GNAS-AS1: variants seen among roughly 807,000 people sequenced by gnomAD.
The protein encoded by GNAS-AS1 is GNAS antisense RNA 1 (non-protein coding).
intron 4 of GNAS-AS1, among the ~76,000 whole-genome samples, chr20:58,820,127 G>A (rs909982948): frequency 6.6e-6 from 1 of 152,254 alleles, no homozygotes. Context: ...GCAAAGAGAT[G>A]CCTTCACGGT....
chr20:58,842,001 C>A, exon 4 of GNAS-AS1: 1 of 893,228 alleles, frequency 1.1e-6, no homozygotes, highest in Non-Finnish European at 1.5e-6. Flanking sequence ...GGCGCCAGTC[C>A]TTGGACGATC....
In GNAS-AS1 at chr20:58,827,525, G is replaced by A. The variant is rs541233066; in HGVS notation, n.820-8270C>T. ...ACATTTACATGGAGGTGTGTACTAC[G>A]ACATGGTCAGCAGTGCAGTTTCTAA... On this transcript the variant is annotated intron_variant and non_coding_transcript_variant, in intron 4 of 4. Coordinates refer to ENST00000424094, the Ensembl canonical transcript of GNAS-AS1. 9.2e-5 allele frequency among the ~76,000 whole-genome samples: 14 copies of A among 152,338 alleles called. No homozygotes were observed. In the Middle Eastern group the frequency reaches 0.014, roughly 148 times the overall value.
chr20:58,842,228 G>A, exon 4 of GNAS-AS1: 1 of 398,506 alleles, frequency 2.5e-6, no homozygotes, highest in East Asian at 3.6e-5. Context: ...TGGGGGGAAA[G>A]ACTGATAAGT....
chr20:58,850,811 G>A, exon 1 of GNAS-AS1: 1 of 398,814 alleles, frequency 2.5e-6, no homozygotes, highest in East Asian at 3.6e-5. Context: ...GGTCCTCGTG[G>A]TCTTCCAGGC....
intron 4 of GNAS-AS1, among the ~76,000 whole-genome samples, chr20:58,822,922 G>A (rs1290578023): frequency 2.0e-4 from 30 of 152,094 alleles, no homozygotes; most frequent in Admixed American, 2.0e-3. Flanking sequence ...TGGCTCCTCT[G>A]GCCCTGTCCT....
Position 58,840,117 on chromosome 20 carries a change from G to A in GNAS-AS1, n.819+1820C>T. Reference sequence around the variant, plus strand: ...TGTGTGCCTAAGAGGATGGATCGGAGGTCCCGGGCTCAGCAGTGGCGCCGA... The same window carrying A: ...TGTGTGCCTAAGAGGATGGATCGGAAGTCCCGGGCTCAGCAGTGGCGCCGA... On this transcript the variant is annotated intron_variant and non_coding_transcript_variant, in intron 4 of 4. Coordinates refer to ENST00000424094, the Ensembl canonical transcript of GNAS-AS1. This position sits in a 1 kb window ranked among gnomAD's most constrained non-coding sequence, Gnocchi z 6.0. 6.2e-7 allele frequency: 1 copy of A among 1,611,300 alleles called. No homozygotes were observed.
At chr20:58,850,794 C>T (rs1163414904) in exon 1 of GNAS-AS1, 6 of 398,738 alleles carry the variant, frequency 1.5e-5, no homozygotes, top group East Asian at 1.4e-4. Flanking sequence ...GACCCCACGG[C>T]GCTAGCGGTC....
chr20:58,828,004 T>TA (rs1257153703), intron 4 of GNAS-AS1, among the ~76,000 whole-genome samples: 1 of 152,262 alleles, frequency 6.6e-6, no homozygotes, highest in Non-Finnish European at 1.5e-5. Context: ...AGTCACAGTG[T>TA]AGACATCTTG....
At chr20:58,850,699 C>T in exon 1 of GNAS-AS1, 1 of 398,962 alleles carries the variant, frequency 2.5e-6, no homozygotes, top group Non-Finnish European at 4.4e-6. Flanking sequence ...CTGGGTTAGC[C>T]TGCCGCCATC....
chr20:58,827,014 A>T (rs2085526058), intron 4 of GNAS-AS1: 1 of 151,632 alleles, frequency 6.6e-6, no homozygotes, highest in Non-Finnish European at 1.5e-5. Flanking sequence ...ACCTGGCTGA[A>T]CTATGTTATT....
intron 4 of GNAS-AS1, chr20:58,824,117 C>T (rs2085504593): frequency 7.5e-6 from 3 of 398,602 alleles, no homozygotes; most frequent in Admixed American, 4.4e-5. Flanking sequence ...GGATCAGAGC[C>T]ACAAATCCAG....
chr20:58,845,834 A>C (rs2072458648), intron 2 of GNAS-AS1, among the ~76,000 whole-genome samples: 3 of 152,218 alleles, frequency 2.0e-5, no homozygotes, highest in Non-Finnish European at 2.9e-5. Context: ...GGCCACCATT[A>C]CCTGTTGACA....
Position 58,840,114 on chromosome 20 carries a change from G to C in GNAS-AS1, n.819+1823C>G, listed in dbSNP as rs139302910. On this transcript the variant is annotated intron_variant and non_coding_transcript_variant, in intron 4 of 4. Coordinates refer to ENST00000424094, the Ensembl canonical transcript of GNAS-AS1. This position sits in a 1 kb window ranked among gnomAD's most constrained non-coding sequence, Gnocchi z 6.0. ...CGGTGTGTGCCTAAGAGGATGGATC[G>C]GAGGTCCCGGGCTCAGCAGTGGCGC... 1.2e-6 allele frequency: 2 copies of C among 1,611,088 alleles called. No individual in the cohort carries two copies. Among genetic ancestry groups the C allele is most frequent in the Middle Eastern group, 1.7e-4 (1 of 6,058 alleles).
chr20:58,829,851 C>T (rs370537141), intron 4 of GNAS-AS1, among the ~76,000 whole-genome samples: 50 of 152,080 alleles, frequency 3.3e-4, no homozygotes, highest in African/African-American at 9.9e-4. Context: ...TTCCTTAGCG[C>T]GATGACTCAT....
intron 4 of GNAS-AS1, among the ~76,000 whole-genome samples, chr20:58,830,928 T>G (rs1254542448): frequency 6.6e-6 from 1 of 152,068 alleles, no homozygotes; most frequent in African/African-American, 2.4e-5. Flanking sequence ...AGAAAAGACA[T>G]TAGAGAAAAA....
intron 4 of GNAS-AS1, chr20:58,838,756 A>G (rs2085632018): frequency 8.3e-6 from 3 of 361,586 alleles, no homozygotes. Flanking sequence ...CTCTCTACTA[A>G]AACTACAAAA....
Position 58,841,787 on chromosome 20 carries a change from T to A in GNAS-AS1, n.819+150A>T. ...CAAGCTTTTGGCGCAGCTGGTCGGGTGGCCAGGCTGCATGCGGCTTAGCAG... is the reference window on the plus strand; with the variant it reads ...CAAGCTTTTGGCGCAGCTGGTCGGGAGGCCAGGCTGCATGCGGCTTAGCAG... On this transcript the variant is annotated intron_variant and non_coding_transcript_variant, in intron 4 of 4. Transcript: ENST00000424094. This position sits in a 1 kb window ranked among gnomAD's most constrained non-coding sequence, Gnocchi z 5.0. 8.1e-7 allele frequency: 1 copy of A among 1,230,592 alleles called. No individual in the cohort carries two copies. Among genetic ancestry groups the A allele is most frequent in the Non-Finnish European group, 1.0e-6 (1 of 987,802 alleles). The allele number at this position is 1,230,592 out of a possible 1,614,324, so 76.2% of individuals were successfully genotyped here. A position where few individuals can be genotyped will look rare whatever the true frequency, so the allele number is the denominator to read the frequency against.
intron 4 of GNAS-AS1, among the ~76,000 whole-genome samples, chr20:58,831,156 C>T (rs1192055955): frequency 1.3e-5 from 2 of 151,990 alleles, no homozygotes; most frequent in African/African-American, 4.8e-5. Flanking sequence ...CCAGATTTAC[C>T]AAATATCACA....
chr20:58,828,818 C>A (rs1211658267), intron 4 of GNAS-AS1, among the ~76,000 whole-genome samples: 1 of 152,256 alleles, frequency 6.6e-6, no homozygotes, highest in African/African-American at 2.4e-5. Context: ...ACTCTTAGCC[C>A]CACCACCCCA....
Sources: allele counts gnomAD v4.1 joint callset (sites outside exome capture counted in the v4.1 genomes callset), GRCh38; gene constraint gnomAD v4.1.1; non-coding constraint Gnocchi (gnomAD v3.1); transcripts MANE v1.5; gene names NCBI Gene and HGNC (gene_info 2026-07-23, HGNC 2026-07-21).